The following ZNF438 variants were observed in gnomAD, a reference collection of about 807,000 sequenced individuals.
ZNF438 encodes zinc finger protein 438.
In ZNF438, 25 loss-of-function variants were observed where a neutral mutation model predicts 38.0. The observed-to-expected ratio is 0.66, with a 90% CI of 0.48 to 0.92. The LOEUF is 0.92. Among genes scored for constraint, ZNF438 ranks in the 40% least tolerant of loss-of-function variants. The pLI, the probability that ZNF438 is intolerant of heterozygous loss-of-function variation, is 0.00. For synonymous variants in ZNF438, 372 were observed against 364.1 expected, an observed-to-expected ratio of 1.02 and a Z score of -0.25; for missense variants, 1,007 against 999.6, an observed-to-expected ratio of 1.01 and a Z score of -0.10.
intron 1 of ZNF438, among the ~76,000 whole-genome samples, chr10:31,024,592 C>T (rs999965526): frequency 1.3e-5 from 2 of 151,728 alleles, no homozygotes; most frequent in African/African-American, 4.8e-5. Flanking sequence ...CGCGCCACTG[C>T]GCTCCAGCCT....
rs1202336352 is a variant in ZNF438 at position 30,961,254 on chromosome 10, TTA to T, written c.-191-19605_-191-19604del. ...GAGTATAATAAATAAAAAAAAAAAA[TTA>T]AAAAAAAAAATTTTTTAATTTATTA... On this transcript the variant is annotated intron_variant, in intron 1 of 5. Transcript: ENST00000413025. 7.0e-5 allele frequency among the ~76,000 whole-genome samples: 9 copies of T among 128,054 alleles called. 1 individual carries two copies. The highest frequency in any genetic ancestry group is 1.0e-4 in the Non-Finnish European group (6 of 57,712). The allele number at this position is 128,054 out of a possible 152,430, so 84.0% of individuals were successfully genotyped here. A position where few individuals can be genotyped will look rare whatever the true frequency, so the allele number is the denominator to read the frequency against.
intron 3 of ZNF438, 60 bp from the exon 5 acceptor site, chr10:30,877,125 T>A: frequency 1.1e-6 from 1 of 909,872 alleles, no homozygotes; most frequent in Non-Finnish European, 1.6e-6. Context: ...TGTTAATGCA[T>A]ACTAAATATA....
At chr10:30,857,903 TAA>T (rs2034940526) in intron 4 of ZNF438, 1 of 492,036 alleles carries the variant, frequency 2.0e-6, no homozygotes, top group South Asian at 7.2e-5. Flanking sequence ...CAAATAGTAT[TAA>T]GAGACAAGCA....
intron 1 of ZNF438, among the ~76,000 whole-genome samples, chr10:31,030,511 AAACC>A (rs2057216934): frequency 6.6e-6 from 1 of 152,240 alleles, no homozygotes; most frequent in South Asian, 2.1e-4. Flanking sequence ...GATCCTGGAA[AAACC>A]AACAAACAGA....
intron 2 of ZNF438, chr10:30,919,177 A>T (rs1195631629): frequency 6.6e-6 from 1 of 152,100 alleles, no homozygotes; most frequent in East Asian, 1.9e-4. Context: ...CTGAACTACT[A>T]ATTTTATTTT....
chr10:30,924,291 G>A (rs1480647304), intron 2 of ZNF438, among the ~76,000 whole-genome samples: 1 of 152,190 alleles, frequency 6.6e-6, no homozygotes, highest in Non-Finnish European at 1.5e-5. Context: ...TGCAGCCGAG[G>A]AGATGGGAGC....
intron 3 of ZNF438, among the ~76,000 whole-genome samples, chr10:30,893,626 G>A (rs2040977036): frequency 1.3e-5 from 2 of 152,114 alleles, no homozygotes; most frequent in Admixed American, 6.6e-5. Context: ...TAAAAATCAT[G>A]CTCCTTTATG....
At chr10:30,965,068 T>C (rs1189657197) in intron 1 of ZNF438, among the ~76,000 whole-genome samples, 1 of 152,050 alleles carries the variant, frequency 6.6e-6, no homozygotes, top group Non-Finnish European at 1.5e-5. Flanking sequence ...ATATCCAGAA[T>C]CCATAAGGAA....
At chr10:31,014,096 T>C (rs2055974518) in intron 1 of ZNF438, among the ~76,000 whole-genome samples, 1 of 152,192 alleles carries the variant, frequency 6.6e-6, no homozygotes, top group Non-Finnish European at 1.5e-5. Flanking sequence ...GTAACATTAT[T>C]CTTTCTTGGT....
chr10:30,861,399 C>G (rs944603434), intron 4 of ZNF438, among the ~76,000 whole-genome samples: 1 of 151,778 alleles, frequency 6.6e-6, no homozygotes, highest in Admixed American at 6.6e-5. Context: ...GATGCAGAAC[C>G]CACAGATGCA....
intron 2 of ZNF438, among the ~76,000 whole-genome samples, chr10:30,922,192 C>G (rs954588406): frequency 6.6e-6 from 1 of 152,142 alleles, no homozygotes; most frequent in African/African-American, 2.4e-5. Context: ...ACGTATCTCT[C>G]TGGAGATTTC....
At chr10:31,000,914 T>A (rs1476111763) in intron 1 of ZNF438, among the ~76,000 whole-genome samples, 1 of 152,238 alleles carries the variant, frequency 6.6e-6, no homozygotes, top group Non-Finnish European at 1.5e-5. Flanking sequence ...TTTCTACACT[T>A]CTACCTTTCT....
intron 2 of ZNF438, among the ~76,000 whole-genome samples, chr10:30,939,619 C>T (rs1564687695): frequency 6.6e-6 from 1 of 152,070 alleles, no homozygotes; most frequent in Non-Finnish European, 1.5e-5. Context: ...ATTTAGGTGA[C>T]ATGAGAGTAT....
rs147192528 is a variant in ZNF438, at chr10:30,921,530, A to G, written c.-114-12515T>C. On this transcript the variant is annotated intron_variant, in intron 2 of 5. Transcript: ENST00000413025. ...GACCTATTTTTCTGGCTCCCTCCCA[A>G]AATTTTATCTCTGAGGTCCAGCAAC... Among the ~76,000 whole-genome samples, 58 of 152,260 alleles carry G rather than the reference A, an allele frequency of 3.8e-4. No individual in the cohort carries two copies. In the East Asian group the frequency reaches 7.3e-3, roughly 19 times the overall value.
intron 1 of ZNF438, among the ~76,000 whole-genome samples, chr10:31,002,229 T>C (rs1231707074): frequency 6.6e-6 from 1 of 152,240 alleles, no homozygotes; most frequent in East Asian, 1.9e-4. Context: ...ATTTCTTTGA[T>C]TACCAGTGAC....
At chr10:30,873,510 T>C (rs1380590389) in intron 4 of ZNF438, among the ~76,000 whole-genome samples, 1 of 152,250 alleles carries the variant, frequency 6.6e-6, no homozygotes, top group African/African-American at 2.4e-5. Flanking sequence ...TACATATATG[T>C]TAATATCCTG....
At chr10:31,019,495 G>C (rs2056440015) in intron 1 of ZNF438, among the ~76,000 whole-genome samples, 1 of 152,190 alleles carries the variant, frequency 6.6e-6, no homozygotes, top group African/African-American at 2.4e-5. Context: ...GGACACCACA[G>C]ACAAAATTAG....
intron 3 of ZNF438, among the ~76,000 whole-genome samples, chr10:30,878,264 C>T (rs2038733416): frequency 6.6e-6 from 1 of 152,126 alleles, no homozygotes; most frequent in South Asian, 2.1e-4. Flanking sequence ...TGCCCTGCAC[C>T]CCCATTCTGT....
At chr10:30,892,883 C>A (rs1564586136) in intron 3 of ZNF438, among the ~76,000 whole-genome samples, 1 of 152,178 alleles carries the variant, frequency 6.6e-6, no homozygotes, top group Non-Finnish European at 1.5e-5. Flanking sequence ...TTTTTAAAGA[C>A]TGCATAGTAT....
Sources: gnomAD v4.1 joint callset for allele counts (sites outside exome capture counted in the v4.1 genomes callset) on GRCh38, gnomAD v4.1.1 for gene constraint, MANE v1.5 for transcripts, NCBI Gene and HGNC (gene_info 2026-07-23, HGNC 2026-07-21) for gene names.